TMEM132D: variants seen among roughly 807,000 people sequenced by gnomAD.
TMEM132D encodes the protein mature OL transmembrane protein.
TMEM132D carries 21 observed loss-of-function variants against 62.3 expected under a neutral mutation model. That is an observed-to-expected ratio of 0.34 (90% CI 0.24 to 0.49). The LOEUF (loss-of-function observed/expected upper bound fraction) is 0.49, where lower values mean the gene tolerates loss of function less well. Among genes scored for constraint, TMEM132D ranks in the 20% least tolerant of loss-of-function variants. The probability of loss-of-function intolerance (pLI) is 0.99; values close to 1 mark genes in which losing one functional copy is unlikely to be tolerated. For synonymous variants in TMEM132D, 621 were observed against 575.6 expected (o/e 1.08, Z -1.13); for missense variants, 1,346 against 1,402.8 (o/e 0.96, Z 0.65).
In TMEM132D at chr12:129,847,805, G is replaced by A. The variant is rs12306069; in HGVS notation, c.79+55456C>T. ...ACTTGCCCTGGAAAAAAAAGATGTC[G>A]TGCAAGAAGTCTGACAACCCTAAAA... is the stretch of plus-strand genomic sequence containing the variant. On this transcript the variant is annotated intron_variant, in intron 1 of 8. Coordinates refer to ENST00000422113, the MANE Select transcript of TMEM132D (RefSeq NM_133448.3). Among the ~76,000 whole-genome samples the A allele has an allele frequency of 4.4e-3, 668 of 152,114 alleles. 4 individuals carry two copies. Among genetic ancestry groups the A allele is most frequent in the African/African-American group, 0.015 (640 of 41,486 alleles).
At chr12:129,807,400 C>T (rs569108662) in intron 1 of TMEM132D, among the ~76,000 whole-genome samples, 3 of 152,316 alleles carry the variant, frequency 2.0e-5, no homozygotes, top group African/African-American at 7.2e-5. Flanking sequence ...GGCCACAATG[C>T]TCTTCAGTCT....
chr12:129,632,256 C>G (rs1879369229), intron 2 of TMEM132D, among the ~76,000 whole-genome samples: 1 of 152,148 alleles, frequency 6.6e-6, no homozygotes, highest in African/African-American at 2.4e-5. Flanking sequence ...AAATCCTGCC[C>G]TCGGTGGCTG....
intron 1 of TMEM132D, among the ~76,000 whole-genome samples, chr12:129,882,567 T>C (rs1399749715): frequency 6.6e-6 from 1 of 152,138 alleles, no homozygotes; most frequent in African/African-American, 2.4e-5. Context: ...TTAACAATAA[T>C]ACATAGTTTA....
intron 1 of TMEM132D, among the ~76,000 whole-genome samples, chr12:129,756,152 A>G (rs1669431610): frequency 6.6e-6 from 1 of 152,186 alleles, no homozygotes; most frequent in Non-Finnish European, 1.5e-5. Context: ...CTGCTGTTCA[A>G]CAAGTTTAAC....
chr12:129,755,627 T>C (rs1870144968), intron 1 of TMEM132D, among the ~76,000 whole-genome samples: 1 of 152,180 alleles, frequency 6.6e-6, no homozygotes, highest in Non-Finnish European at 1.5e-5. Flanking sequence ...TTTTGTCTAT[T>C]ATTAGGTGAA....
At chr12:129,133,694 C>G (rs1300812572) in intron 5 of TMEM132D, among the ~76,000 whole-genome samples, 1 of 152,218 alleles carries the variant, frequency 6.6e-6, no homozygotes, top group Non-Finnish European at 1.5e-5. Context: ...ATTCTGCTTT[C>G]CACTATTTAG....
At chr12:129,075,154 C>T in intron 8 of TMEM132D, 95 bp from the exon 9 acceptor site, 2 of 971,262 alleles carry the variant, frequency 2.1e-6, no homozygotes, top group Non-Finnish European at 3.0e-6. Flanking sequence ...AAAACTATTG[C>T]TACAAGAACA....
At chr12:129,844,200 GA>G (rs760399566) in intron 1 of TMEM132D, among the ~76,000 whole-genome samples, 11 of 152,202 alleles carry the variant, frequency 7.2e-5, no homozygotes, top group Non-Finnish European at 1.3e-4. Context: ...CTGAAGAGGG[GA>G]TAAATCTTAT....
At chr12:129,279,851 A>C (rs909749103) in intron 4 of TMEM132D, among the ~76,000 whole-genome samples, 1 of 152,230 alleles carries the variant, frequency 6.6e-6, no homozygotes, top group East Asian at 1.9e-4. Flanking sequence ...GACTTCATAA[A>C]GGACAGAGTC....
intron 5 of TMEM132D, among the ~76,000 whole-genome samples, chr12:129,148,325 T>C (rs1391599203): frequency 1.3e-5 from 2 of 152,166 alleles, no homozygotes; most frequent in Non-Finnish European, 2.9e-5. Flanking sequence ...TCACCTTACA[T>C]GGCAGAGGGG....
At chr12:129,274,211 C>A (rs1880940327) in intron 4 of TMEM132D, among the ~76,000 whole-genome samples, 1 of 151,862 alleles carries the variant, frequency 6.6e-6, no homozygotes, top group South Asian at 2.1e-4. Context: ...CCAACAAGGG[C>A]AGTCTTTCCT....
chr12:129,644,852 G>A (rs1311358355), intron 2 of TMEM132D, among the ~76,000 whole-genome samples: 9 of 150,718 alleles, frequency 6.0e-5, no homozygotes, highest in African/African-American at 2.2e-4. Context: ...CCAGCGTCGT[G>A]GCGGGTGCCT....
chr12:129,504,221 T>C (rs1277509453), intron 3 of TMEM132D, among the ~76,000 whole-genome samples: 1 of 152,168 alleles, frequency 6.6e-6, no homozygotes, highest in African/African-American at 2.4e-5. Context: ...CTTCGAGAAT[T>C]CCAAAGTTTC....
intron 2 of TMEM132D, among the ~76,000 whole-genome samples, chr12:129,666,089 A>G (rs1420155123): frequency 1.3e-5 from 2 of 152,218 alleles, no homozygotes; most frequent in Non-Finnish European, 2.9e-5. Context: ...GTCTTCTCCC[A>G]AAGTATTTCC....
intron 3 of TMEM132D, among the ~76,000 whole-genome samples, chr12:129,466,893 G>A (rs79784385): frequency 0.015 from 2,350 of 152,150 alleles, 38 homozygotes; most frequent in East Asian, 0.019. Context: ...GATATATCCA[G>A]GTTTGCATGA....
intron 4 of TMEM132D, among the ~76,000 whole-genome samples, chr12:129,273,922 A>G (rs916647764): frequency 6.6e-5 from 10 of 151,772 alleles, no homozygotes; most frequent in Non-Finnish European, 1.5e-5. Context: ...AGTTGAAAAA[A>G]AAAAAGAGTG....
At chr12:129,468,473 C>T (rs770912245) in intron 3 of TMEM132D, among the ~76,000 whole-genome samples, 3 of 152,206 alleles carry the variant, frequency 2.0e-5, no homozygotes, top group Non-Finnish European at 4.4e-5. Flanking sequence ...ATCTCTGCAT[C>T]CACAGGAAGA....
chr12:129,549,294 G>A (rs765887754), intron 2 of TMEM132D, among the ~76,000 whole-genome samples: 5 of 147,864 alleles, frequency 3.4e-5, no homozygotes, highest in Non-Finnish European at 5.9e-5. Context: ...CAGACACACA[G>A]TGAAATTCAC....
At chr12:129,716,747 G>A (rs990147577) in intron 1 of TMEM132D, among the ~76,000 whole-genome samples, 1 of 152,182 alleles carries the variant, frequency 6.6e-6, no homozygotes, top group Non-Finnish European at 1.5e-5. Context: ...GTGCTTAAGA[G>A]TGGAAGAGGG....
Sources: gnomAD v4.1 joint callset for allele counts (sites outside exome capture counted in the v4.1 genomes callset) on GRCh38, gnomAD v4.1.1 for gene constraint, MANE v1.5 for transcripts, NCBI Gene and HGNC (gene_info 2026-07-23, HGNC 2026-07-21) for gene names.